PHACTR1: variants seen among roughly 807,000 people sequenced by gnomAD.
PHACTR1 encodes the protein RPEL repeat containing 1.
In PHACTR1, 16 loss-of-function variants were observed where a neutral mutation model predicts 69.2. The observed-to-expected ratio is 0.23, with a 90% CI of 0.16 to 0.35. The LOEUF is 0.35. Ranked by LOEUF, PHACTR1 falls within the 10% of genes least tolerant of loss-of-function variation. The pLI, the probability that PHACTR1 is intolerant of heterozygous loss-of-function variation, is 1.00. For missense variants in PHACTR1, 510 were observed against 734.7 expected, an observed-to-expected ratio of 0.69 and a Z score of 3.54; for synonymous variants, 312 against 284.5, an observed-to-expected ratio of 1.10 and a Z score of -0.97.
At chr6:12,740,184 A>AATG (rs1306754948) in intron 3 of PHACTR1, among the ~76,000 whole-genome samples, 3 of 152,090 alleles carry the variant, frequency 2.0e-5, no homozygotes, top group African/African-American at 7.2e-5. Flanking sequence ...TATGTCTGAC[A>AATG]ATGTATGAAG....
At chr6:12,946,535 TAGAAAAATAGATTAA>T (rs1308917797) in intron 4 of PHACTR1, among the ~76,000 whole-genome samples, 1 of 152,022 alleles carries the variant, frequency 6.6e-6, no homozygotes, top group Non-Finnish European at 1.5e-5. Flanking sequence ...GAGAAGGCTC[TAGAAAAATAGATTAA>T]AAGATCAGAA....
intron 5 of PHACTR1, among the ~76,000 whole-genome samples, chr6:13,113,238 T>A (rs79026118): frequency 6.6e-6 from 1 of 152,136 alleles, no homozygotes; most frequent in African/African-American, 2.4e-5. Context: ...AATAAATTTT[T>A]AGTAAAAGAT....
At chr6:12,987,643 A>G (rs1164826029) in intron 4 of PHACTR1, among the ~76,000 whole-genome samples, 2 of 152,158 alleles carry the variant, frequency 1.3e-5, no homozygotes, top group Non-Finnish European at 1.5e-5. Flanking sequence ...TCTTGAGCAA[A>G]TAAAGCTCAT....
chr6:12,933,028 T>A (rs1044227849), intron 4 of PHACTR1, among the ~76,000 whole-genome samples: 1 of 151,358 alleles, frequency 6.6e-6, no homozygotes, highest in African/African-American at 2.4e-5. Context: ...GGACGCCTCC[T>A]GAGTTCAAGT....
intron 4 of PHACTR1, among the ~76,000 whole-genome samples, chr6:12,914,181 G>A (rs1221652093): frequency 2.0e-5 from 3 of 152,102 alleles, no homozygotes; most frequent in Admixed American, 6.5e-5. Flanking sequence ...TGTATTTGTA[G>A]TAGAGACGGG....
At chr6:12,797,744 T>A (rs1428780149) in intron 4 of PHACTR1, among the ~76,000 whole-genome samples, 2 of 152,146 alleles carry the variant, frequency 1.3e-5, no homozygotes, top group Non-Finnish European at 2.9e-5. Flanking sequence ...TTTTTGTCTG[T>A]CAACGCATCA....
chr6:12,769,998 A>G (rs139762460), intron 4 of PHACTR1, among the ~76,000 whole-genome samples: 4 of 152,324 alleles, frequency 2.6e-5, no homozygotes, highest in African/African-American at 7.2e-5. Context: ...AAAAGATGTG[A>G]TATACCAGTG....
At chr6:12,863,628 A>G (rs1781155154) in intron 4 of PHACTR1, among the ~76,000 whole-genome samples, 2 of 152,374 alleles carry the variant, frequency 1.3e-5, no homozygotes, top group South Asian at 2.1e-4. Flanking sequence ...ACAGAAGTGC[A>G]GTCCTGGGAG....
intron 4 of PHACTR1, among the ~76,000 whole-genome samples, chr6:12,821,883 G>T (rs1193907690): frequency 6.6e-6 from 1 of 152,206 alleles, no homozygotes; most frequent in Non-Finnish European, 1.5e-5. Flanking sequence ...GTGAGCAAAT[G>T]ACTTTGGGTC....
chr6:13,018,979 G>C (rs1800568700), intron 4 of PHACTR1, among the ~76,000 whole-genome samples: 1 of 151,658 alleles, frequency 6.6e-6, no homozygotes, highest in Non-Finnish European at 1.5e-5. Context: ...TGGTATCTGG[G>C]ACTATAGGCA....
At chr6:12,965,477 G>A (rs1275262416) in intron 4 of PHACTR1, among the ~76,000 whole-genome samples, 4 of 107,520 alleles carry the variant, frequency 3.7e-5, no homozygotes, top group East Asian at 2.4e-4. Flanking sequence ...TTGCATTTTG[G>A]TGCTTTTTGT....
rs529163184 is a variant in PHACTR1, at chr6:13,153,467, A to G, written c.416-6737A>G. Among the ~76,000 whole-genome samples the G allele has an allele frequency of 3.3e-5, 5 of 152,276 alleles. No individual in the cohort carries two copies. In the East Asian group the frequency reaches 7.7e-4, roughly 23 times the overall value. ...ACATGTCTGGATCTTGTCAGCTAAC[A>G]TTGTTGGTCTATAAAAGCAAAGCAC... On this transcript the variant is annotated intron_variant, in intron 5 of 14. Transcript: ENST00000332995.
intron 4 of PHACTR1, among the ~76,000 whole-genome samples, chr6:12,885,179 C>G (rs1470903910): frequency 6.6e-6 from 1 of 152,178 alleles, no homozygotes; most frequent in African/African-American, 2.4e-5. Flanking sequence ...GGGAAGGTCC[C>G]GTGGAACTGC....
Position 13,179,941 on chromosome 6 carries a change from G to A in PHACTR1, c.497-2578G>A, listed in dbSNP as rs561595289. 4.6e-4 allele frequency among the ~76,000 whole-genome samples: 70 copies of A among 152,282 alleles called. No homozygotes were observed. Among genetic ancestry groups the A allele is most frequent in the Non-Finnish European group, 9.3e-4 (63 of 68,024 alleles). On this transcript the variant is annotated intron_variant, in intron 6 of 14. Transcript: ENST00000332995. The surrounding 1 kb of genome is among the most constrained non-coding windows in gnomAD (Gnocchi z 4.2). ...TTCATTTACTGGAATTTATCCTAAAGGGGGAGAATTCTAATTGCAGAAAAA... is the reference window on the plus strand; with the variant it reads ...TTCATTTACTGGAATTTATCCTAAAAGGGGAGAATTCTAATTGCAGAAAAA...
intron 5 of PHACTR1, among the ~76,000 whole-genome samples, chr6:13,085,318 A>T (rs1241824696): frequency 6.6e-6 from 1 of 152,036 alleles, no homozygotes; most frequent in Non-Finnish European, 1.5e-5. Flanking sequence ...ATGTTATTCA[A>T]AATTAACCAT....
At chr6:13,207,590 A>ATGTGTG (rs112423592) in intron 8 of PHACTR1, among the ~76,000 whole-genome samples, 80 of 150,898 alleles carry the variant, frequency 5.3e-4, no homozygotes, top group African/African-American at 1.8e-3. Flanking sequence ...ACATGAGTGT[A>ATGTGTG]TGTGTGTGTG....
chr6:12,966,349 A>C (rs1436495638), intron 4 of PHACTR1, among the ~76,000 whole-genome samples: 1 of 152,206 alleles, frequency 6.6e-6, no homozygotes, highest in Non-Finnish European at 1.5e-5. Flanking sequence ...TACCCATGTT[A>C]CAGATGAGGA....
At chr6:13,143,573 A>G (rs545602018) in intron 5 of PHACTR1, among the ~76,000 whole-genome samples, 36 of 152,308 alleles carry the variant, frequency 2.4e-4, no homozygotes, top group South Asian at 8.3e-4. Flanking sequence ...ATGTTTTTAC[A>G]TTTTCAATTG....
chr6:12,859,789 C>A (rs1780757792), intron 4 of PHACTR1, among the ~76,000 whole-genome samples: 1 of 152,124 alleles, frequency 6.6e-6, no homozygotes, highest in South Asian at 2.1e-4. Context: ...GTGTGTTCAA[C>A]ATCATTAACT....
Sources: gnomAD v4.1 joint callset for allele counts (sites outside exome capture counted in the v4.1 genomes callset) on GRCh38, gnomAD v4.1.1 for gene constraint, Gnocchi (gnomAD v3.1) non-coding constraint, MANE v1.5 for transcripts, NCBI Gene and HGNC (gene_info 2026-07-23, HGNC 2026-07-21) for gene names.